The following ARHGAP42 variants were observed in gnomAD, a reference collection of about 807,000 sequenced individuals.
The protein encoded by ARHGAP42 is Rho GTPase activating protein 42.
A neutral mutation model predicts 125.0 loss-of-function variants in ARHGAP42; 63 were observed. The observed-to-expected ratio is 0.50, with a 90% confidence interval of 0.41 to 0.62. The LOEUF (loss-of-function observed/expected upper bound fraction) is 0.62, where lower values mean the gene tolerates loss of function less well. Among genes scored for constraint, ARHGAP42 ranks in the 20% least tolerant of loss-of-function variants. The pLI, the probability that ARHGAP42 is intolerant of heterozygous loss-of-function variation, is 0.00. For synonymous variants in ARHGAP42, 339 were observed against 351.0 expected (o/e 0.97, Z 0.38); for missense variants, 766 against 1,024.2 (o/e 0.75, Z 3.44).
intron 4 of ARHGAP42, among the ~76,000 whole-genome samples, chr11:100,879,214 A>T (rs1477074631): frequency 6.6e-6 from 1 of 152,178 alleles, no homozygotes; most frequent in African/African-American, 2.4e-5. Flanking sequence ...GCATAATACA[A>T]GTTTTAGAAG....
intron 15 of ARHGAP42, among the ~76,000 whole-genome samples, chr11:100,962,074 GTTGTTT>G (rs1857969378): frequency 6.6e-6 from 1 of 152,086 alleles, no homozygotes; most frequent in South Asian, 2.1e-4. Flanking sequence ...GGAAAGTTGT[GTTGTTT>G]TTGTTTTGTT....
chr11:100,708,585 A>G (rs1861513996), intron 1 of ARHGAP42, among the ~76,000 whole-genome samples: 1 of 152,192 alleles, frequency 6.6e-6, no homozygotes. Context: ...TTATAATGAC[A>G]CTAGTTTTTA....
chr11:100,800,622 T>A (rs113748399), intron 3 of ARHGAP42, among the ~76,000 whole-genome samples: 57 of 152,340 alleles, frequency 3.7e-4, no homozygotes, highest in African/African-American at 1.3e-3. Flanking sequence ...ACCCATTTCT[T>A]AGTGTTTCAA....
At chr11:100,691,508 A>G (rs1481517683) in intron 1 of ARHGAP42, among the ~76,000 whole-genome samples, 1 of 152,152 alleles carries the variant, frequency 6.6e-6, no homozygotes, top group Admixed American at 6.5e-5. Context: ...TAGAAACTTG[A>G]TAAGCAAGGA....
chr11:100,779,236 C>A (rs1179971077), intron 2 of ARHGAP42, among the ~76,000 whole-genome samples: 2 of 151,450 alleles, frequency 1.3e-5, no homozygotes, highest in East Asian at 3.9e-4. Context: ...CACCTGAGGT[C>A]AGGAGTTCGA....
intron 1 of ARHGAP42, 84 bp from the exon 2 acceptor site, chr11:100,770,259 A>C (rs1862941158): frequency 1.2e-5 from 11 of 902,706 alleles, no homozygotes; most frequent in Admixed American, 5.4e-5. Flanking sequence ...ACAAAATCAA[A>C]GTTATATAAT....
chr11:100,901,486 C>G (rs1866545966), intron 4 of ARHGAP42, among the ~76,000 whole-genome samples: 1 of 152,224 alleles, frequency 6.6e-6, no homozygotes, highest in Non-Finnish European at 1.5e-5. Flanking sequence ...AAGTTGTCTG[C>G]TACCTTTTGT....
chr11:100,711,337 G>A (rs1386974422), intron 1 of ARHGAP42, among the ~76,000 whole-genome samples: 1 of 152,074 alleles, frequency 6.6e-6, no homozygotes, highest in South Asian at 2.1e-4. Context: ...ACTTGAATGT[G>A]TTTATATTGT....
At chr11:100,769,089 C>T (rs1190833678) in intron 1 of ARHGAP42, among the ~76,000 whole-genome samples, 1 of 152,086 alleles carries the variant, frequency 6.6e-6, no homozygotes, top group Non-Finnish European at 1.5e-5. Flanking sequence ...AGTTGTAACA[C>T]AGTGGTAAGT....
intron 22 of ARHGAP42, 45 bp from the exon 23 acceptor site, chr11:100,987,468 T>C: frequency 6.9e-7 from 1 of 1,440,570 alleles, no homozygotes; most frequent in Non-Finnish European, 9.6e-7. Context: ...ATAGATGTCC[T>C]TAGGTTGAGT....
intron 6 of ARHGAP42, among the ~76,000 whole-genome samples, chr11:100,932,439 A>G (rs573806286): frequency 2.0e-5 from 3 of 152,300 alleles, no homozygotes; most frequent in East Asian, 1.9e-4. Flanking sequence ...ATAACGTTCC[A>G]TATAACCTGT....
At chr11:100,876,104 G>T (rs1865818958) in intron 4 of ARHGAP42, among the ~76,000 whole-genome samples, 1 of 152,054 alleles carries the variant, frequency 6.6e-6, no homozygotes. Flanking sequence ...ACCTTCTCTG[G>T]TAGCACAAAC....
At chr11:100,702,474 A>C (rs1861412329) in intron 1 of ARHGAP42, among the ~76,000 whole-genome samples, 1 of 152,114 alleles carries the variant, frequency 6.6e-6, no homozygotes, top group African/African-American at 2.4e-5. Context: ...GAATCACCAA[A>C]ATGTGACAGA....
intron 4 of ARHGAP42, among the ~76,000 whole-genome samples, chr11:100,905,978 A>G (rs539852291): frequency 2.6e-5 from 4 of 152,218 alleles, no homozygotes; most frequent in Non-Finnish European, 4.4e-5. Flanking sequence ...ATGTTTAAAC[A>G]TACCAGATAA....
intron 1 of ARHGAP42, among the ~76,000 whole-genome samples, chr11:100,750,819 A>G (rs1862431928): frequency 6.6e-6 from 1 of 152,224 alleles, no homozygotes; most frequent in Non-Finnish European, 1.5e-5. Flanking sequence ...AGTACTGAAC[A>G]TACTGACATA....
intron 10 of ARHGAP42, among the ~76,000 whole-genome samples, chr11:100,946,656 AC>A (rs1249286041): frequency 6.6e-6 from 1 of 151,994 alleles, no homozygotes; most frequent in Non-Finnish European, 1.5e-5. Context: ...GGCACACACA[AC>A]TTTTATTGAC....
chr11:100,708,830 A>T (rs1861517568), intron 1 of ARHGAP42, among the ~76,000 whole-genome samples: 1 of 152,186 alleles, frequency 6.6e-6, no homozygotes, highest in South Asian at 2.1e-4. Flanking sequence ...CCCTATGTGT[A>T]CTGTTTTTCA....
chr11:100,927,702 G>C (rs1867465422), intron 6 of ARHGAP42, among the ~76,000 whole-genome samples: 1 of 152,132 alleles, frequency 6.6e-6, no homozygotes, highest in Non-Finnish European at 1.5e-5. Flanking sequence ...TCCTTTACCA[G>C]GAAAGTGTAC....
Position 100,992,807 on chromosome 11 carries a change from C to A in ARHGAP42, c.*4006C>A. On this transcript the variant is annotated 3_prime_UTR_variant, in exon 24 of 24. Coordinates refer to ENST00000298815, the MANE Select transcript of ARHGAP42 (RefSeq NM_152432.4). ...CTTACATAAGAATGTTGACAACATT[C>A]ACAGTAAGCCATTGGCAGAAAATTG... is the stretch of plus-strand genomic sequence containing the variant. 2 of 1,305,274 alleles carry A rather than the reference C, an allele frequency of 1.5e-6. No individual in the cohort carries two copies. Among genetic ancestry groups the A allele is most frequent in the Non-Finnish European group, 2.1e-6 (2 of 949,692 alleles). 80.9% of individuals were successfully genotyped at this position (1,305,274 alleles called of 1,614,324 possible).
Sources: allele counts gnomAD v4.1 joint callset (sites outside exome capture counted in the v4.1 genomes callset), GRCh38; gene constraint gnomAD v4.1.1; transcripts MANE v1.5; gene names NCBI Gene and HGNC (gene_info 2026-07-23, HGNC 2026-07-21).